SPOPL: variants seen among roughly 807,000 people sequenced by gnomAD.
SPOPL encodes the protein speckle-type POZ protein-like.
In SPOPL, 23 loss-of-function variants were observed where a neutral mutation model predicts 53.8. That is an observed-to-expected ratio of 0.43 (90% CI 0.31 to 0.61). The LOEUF is 0.61. Ranked by LOEUF, SPOPL falls within the 20% of genes least tolerant of loss-of-function variation. The pLI is 0.12. For missense variants in SPOPL, 442 were observed against 466.9 expected, an observed-to-expected ratio of 0.95 and a Z score of 0.49; for synonymous variants, 164 against 149.7, an observed-to-expected ratio of 1.10 and a Z score of -0.70.
At chr2:138,545,958 G>C (rs1685186084) in intron 1 of SPOPL, among the ~76,000 whole-genome samples, 1 of 152,172 alleles carries the variant, frequency 6.6e-6, no homozygotes, top group Non-Finnish European at 1.5e-5. Flanking sequence ...TTATTGGTAT[G>C]ATAATCAACA....
At chr2:138,534,361 A>G (rs1342305170) in intron 1 of SPOPL, among the ~76,000 whole-genome samples, 1 of 152,198 alleles carries the variant, frequency 6.6e-6, no homozygotes, top group East Asian at 1.9e-4. Flanking sequence ...TTTACATTGT[A>G]TTAGGTGTTA....
intron 10 of SPOPL, among the ~76,000 whole-genome samples, chr2:138,567,448 G>A (rs1294520591): frequency 7.1e-6 from 1 of 141,266 alleles, no homozygotes; most frequent in Admixed American, 7.2e-5. Context: ...GGGCGGGGAG[G>A]TAGTTAATGA....
At chr2:138,559,761 G>A (rs1268448497) in intron 7 of SPOPL, among the ~76,000 whole-genome samples, 2 of 152,152 alleles carry the variant, frequency 1.3e-5, no homozygotes, top group African/African-American at 4.8e-5. Flanking sequence ...TAATCAGGAT[G>A]TTACCTACTT....
At position 138,560,938 on chromosome 2, in the gene SPOPL, AG is replaced by A. The variant is rs1558880702; in HGVS notation, c.837+13del. The A allele has an allele frequency of 6.2e-7, 1 of 1,600,930 alleles. No homozygotes were observed. The highest frequency in any genetic ancestry group is 1.1e-5 in the South Asian group (1 of 87,172). On this transcript the variant is annotated intron_variant, in intron 8 of 10. Coordinates refer to ENST00000280098, the MANE Select transcript of SPOPL (RefSeq NM_001001664.3). ...GCAGCTGCAGACAAAGTAAGTAATT[AG>A]GTCTTAAGGAACCAAAATATACCCT...
chr2:138,555,183 G>A (rs777057121), intron 5 of SPOPL, among the ~76,000 whole-genome samples: 2 of 138,080 alleles, frequency 1.4e-5, no homozygotes, highest in Non-Finnish European at 3.2e-5. Flanking sequence ...AGCCAGACTC[G>A]CTTTAATAAA....
At chr2:138,526,294 T>A (rs1684674015) in intron 1 of SPOPL, among the ~76,000 whole-genome samples, 1 of 152,162 alleles carries the variant, frequency 6.6e-6, no homozygotes, top group Non-Finnish European at 1.5e-5. Context: ...TTCTAGTGGA[T>A]TCTCATCTGA....
At chr2:138,530,575 T>C (rs1488655885) in intron 1 of SPOPL, among the ~76,000 whole-genome samples, 2 of 152,174 alleles carry the variant, frequency 1.3e-5, no homozygotes, top group Non-Finnish European at 2.9e-5. Context: ...GCATCCTTCA[T>C]TAGATTTATT....
Position 138,569,323 on chromosome 2 carries a change from A to C in SPOPL, c.*243A>C, listed in dbSNP as rs1473416879. The C allele has an allele frequency of 2.6e-6, 1 of 390,826 alleles. No individual in the cohort carries two copies. Among genetic ancestry groups the C allele is most frequent in the Non-Finnish European group, 4.5e-6 (1 of 220,734 alleles). The allele number at this position is 390,826 out of a possible 1,614,324, so 24.2% of individuals were successfully genotyped here. On this transcript the variant is annotated 3_prime_UTR_variant, in exon 11 of 11. Transcript: ENST00000280098. ...TTCAATGACTTGTCTTGTTCATATA[A>C]TACTTTAATTTTTTTTTATTGTGCC...
intron 1 of SPOPL, among the ~76,000 whole-genome samples, chr2:138,542,095 TGA>T (rs1214273385): frequency 6.6e-6 from 1 of 152,218 alleles, no homozygotes; most frequent in Non-Finnish European, 1.5e-5. Flanking sequence ...CACTGTGGTC[TGA>T]GAGAGTTTGT....
intron 1 of SPOPL, among the ~76,000 whole-genome samples, chr2:138,533,200 T>C (rs1684849696): frequency 6.6e-6 from 1 of 152,218 alleles, no homozygotes; most frequent in Non-Finnish European, 1.5e-5. Flanking sequence ...ATCTATAAGA[T>C]CACAGAATTC....
chr2:138,522,045 A>G (rs1398199700), intron 1 of SPOPL, among the ~76,000 whole-genome samples: 2 of 152,138 alleles, frequency 1.3e-5, no homozygotes, highest in Non-Finnish European at 2.9e-5. Flanking sequence ...TTAGAAATGC[A>G]AATTTGGGAA....
chr2:138,506,581 A>G (rs1684219679), intron 1 of SPOPL, among the ~76,000 whole-genome samples: 1 of 152,132 alleles, frequency 6.6e-6, no homozygotes, highest in Non-Finnish European at 1.5e-5. Flanking sequence ...GGGAGAGGAA[A>G]AGGCTGACTT....
chr2:138,566,317 A>T (rs1352712425), intron 10 of SPOPL, among the ~76,000 whole-genome samples: 1 of 152,142 alleles, frequency 6.6e-6, no homozygotes, highest in Non-Finnish European at 1.5e-5. Flanking sequence ...GCAATTTATG[A>T]TCCTTTGTAC....
chr2:138,531,533 G>A (rs1319453279), intron 1 of SPOPL, among the ~76,000 whole-genome samples: 1 of 151,962 alleles, frequency 6.6e-6, no homozygotes, highest in African/African-American at 2.4e-5. Context: ...TTTTTCTTCT[G>A]TGACTCCACT....
chr2:138,551,131 A>G, intron 4 of SPOPL, 77 bp downstream of exon 4: 1 of 1,519,708 alleles, frequency 6.6e-7, no homozygotes, highest in East Asian at 2.3e-5. Flanking sequence ...TTTACCTAGA[A>G]AAGTCTGGGA....
chr2:138,543,268 T>C lies in SPOPL; in HGVS notation c.-60-6889T>C, dbSNP rs1251208881. Among the ~76,000 whole-genome samples the C allele has an allele frequency of 5.3e-5, 8 of 152,314 alleles. No individual in the cohort carries two copies. The East Asian group carries it at 1.4e-3, about 26-fold the overall frequency. Reference sequence around the variant, plus strand: ...GTGGCATTCTCTGTATTTCCTGAATTTGAATGTTGGCCTGCCTTGCTAGAT... The same window carrying C: ...GTGGCATTCTCTGTATTTCCTGAATCTGAATGTTGGCCTGCCTTGCTAGAT... On this transcript the variant is annotated intron_variant, in intron 1 of 10. Transcript: ENST00000280098.
At chr2:138,508,796 A>G (rs1285461182) in intron 1 of SPOPL, among the ~76,000 whole-genome samples, 1 of 152,198 alleles carries the variant, frequency 6.6e-6, no homozygotes, top group Non-Finnish European at 1.5e-5. Context: ...TTACTAGTTC[A>G]TACTGGCTTT....
At chr2:138,527,033 G>A (rs1198891315) in intron 1 of SPOPL, among the ~76,000 whole-genome samples, 1 of 152,098 alleles carries the variant, frequency 6.6e-6, no homozygotes, top group Admixed American at 6.6e-5. Context: ...ACCTGAGTAT[G>A]GAATTCTAAG....
At chr2:138,517,495 G>A (rs1684463805) in intron 1 of SPOPL, among the ~76,000 whole-genome samples, 1 of 151,994 alleles carries the variant, frequency 6.6e-6, no homozygotes, top group African/African-American at 2.4e-5. Flanking sequence ...AATCCCAGCA[G>A]TTTGGGAGAC....
Sources: allele counts gnomAD v4.1 joint callset (sites outside exome capture counted in the v4.1 genomes callset), GRCh38; gene constraint gnomAD v4.1.1; transcripts MANE v1.5; gene names NCBI Gene and HGNC (gene_info 2026-07-23, HGNC 2026-07-21).